LUZP2: variants seen among roughly 807,000 people sequenced by gnomAD.
LUZP2 encodes the protein leucine zipper protein 2.
LUZP2 carries 52 observed loss-of-function variants against 51.6 expected under a neutral mutation model. The observed-to-expected ratio is 1.01, with a 90% CI of 0.81 to 1.27. The LOEUF is 1.27. Among genes scored for constraint, LUZP2 ranks in the 50% most tolerant of loss-of-function variants. LUZP2 has a pLI of 0.00. For missense variants in LUZP2, 436 were observed against 395.4 expected, an observed-to-expected ratio of 1.10 and a Z score of -0.87; for synonymous variants, 154 against 137.3, an observed-to-expected ratio of 1.12 and a Z score of -0.85.
At chr11:24,548,681 C>G (rs1041665698) in intron 1 of LUZP2, among the ~76,000 whole-genome samples, 23 of 151,636 alleles carry the variant, frequency 1.5e-4, no homozygotes, top group African/African-American at 5.6e-4. Flanking sequence ...ACGAACTTGC[C>G]CAGCTATCCC....
intron 5 of LUZP2, among the ~76,000 whole-genome samples, chr11:24,841,308 G>C (rs1203362080): frequency 6.6e-6 from 1 of 152,028 alleles, no homozygotes; most frequent in Non-Finnish European, 1.5e-5. Context: ...AAAAAGATTG[G>C]TTCTTTCTAG....
chr11:24,837,195 T>A (rs898672612), intron 5 of LUZP2, among the ~76,000 whole-genome samples: 2 of 151,778 alleles, frequency 1.3e-5, no homozygotes, highest in Non-Finnish European at 3.0e-5. Flanking sequence ...ATATTTTTTA[T>A]ACTTTCCTTT....
rs1329583149 is a variant in LUZP2 at position 25,029,357 on chromosome 11, T to C, written c.766-20681T>C. Reference sequence around the variant, plus strand: ...GTACTCCATAAATATGTACATCTACTAGGTACCCACACAATTTTTAAAAAT... The same window carrying C: ...GTACTCCATAAATATGTACATCTACCAGGTACCCACACAATTTTTAAAAAT... On this transcript the variant is annotated intron_variant, in intron 9 of 11. Transcript: ENST00000336930. Among the ~76,000 whole-genome samples, 3 of 152,054 alleles carry C rather than the reference T, an allele frequency of 2.0e-5. No homozygotes were observed. In the East Asian group the frequency reaches 5.8e-4, roughly 29 times the overall value.
rs1858737347 is a variant in LUZP2, at chr11:24,732,143, C to A, written c.206C>A (p.Ala69Asp). ...LQSLKNDEQS[A>D]KTDVQKLLEL... ...TCCTTAAAAAACGATGAGCAGTCTG[C>A]CAAAACTGATGTTCAGAAACTTCTG... The change falls in exon 3 of 12, where the codon GCC becomes GAC. Residue 69 changes from alanine to aspartate, a missense_variant. Transcript: ENST00000336930. 1 of 1,609,128 alleles carries A rather than the reference C, an allele frequency of 6.2e-7. No individual in the cohort carries two copies. The highest frequency in any genetic ancestry group is 1.3e-5 in the African/African-American group (1 of 74,648).
chr11:24,616,475 A>ATGTGTGTG (rs61413263), intron 1 of LUZP2, among the ~76,000 whole-genome samples: 2,537 of 98,474 alleles, frequency 0.026, 53 homozygotes, highest in African/African-American at 0.057. Context: ...TGGCGTGCGC[A>ATGTGTGTG]TGTGTGTGTG....
chr11:25,031,453 T>C (rs1857684082), intron 9 of LUZP2, among the ~76,000 whole-genome samples: 1 of 152,214 alleles, frequency 6.6e-6, no homozygotes, highest in Admixed American at 6.5e-5. Context: ...CCTTTATGTC[T>C]TTTAAACTTC....
intron 9 of LUZP2, among the ~76,000 whole-genome samples, chr11:24,994,426 T>A (rs1317990700): frequency 6.6e-6 from 1 of 152,214 alleles, no homozygotes; most frequent in East Asian, 1.9e-4. Flanking sequence ...TAATGGCCTG[T>A]CTAAATACAG....
chr11:24,832,642 A>T (rs999233287), intron 5 of LUZP2, among the ~76,000 whole-genome samples: 2 of 151,806 alleles, frequency 1.3e-5, no homozygotes, highest in East Asian at 3.9e-4. Context: ...GAGACACACT[A>T]TAACAAAATT....
intron 1 of LUZP2, among the ~76,000 whole-genome samples, chr11:24,714,146 G>T (rs929889991): frequency 6.6e-6 from 1 of 151,876 alleles, no homozygotes; most frequent in African/African-American, 2.4e-5. Flanking sequence ...TATGTTGGGG[G>T]TAGGAGGCAA....
intron 1 of LUZP2, among the ~76,000 whole-genome samples, chr11:24,578,172 GC>G (rs1387301079): frequency 6.6e-6 from 1 of 151,944 alleles, no homozygotes; most frequent in Non-Finnish European, 1.5e-5. Context: ...ATTTTAGGAA[GC>G]TTTTTAAAAT....
At chr11:24,757,289 T>C (rs995601994) in intron 4 of LUZP2, among the ~76,000 whole-genome samples, 2 of 152,124 alleles carry the variant, frequency 1.3e-5, no homozygotes, top group African/African-American at 2.4e-5. Flanking sequence ...TTCTATAAAT[T>C]CAAAAATATT....
At chr11:24,658,899 A>G (rs9704876) in intron 1 of LUZP2, among the ~76,000 whole-genome samples, 41,084 of 152,140 alleles carry the variant, frequency 0.27, 6,437 homozygotes, top group Admixed American at 0.39. Context: ...TAGAATGGCA[A>G]TCATTAAAAT....
chr11:24,929,090 CATTTCTGATTAAGCTTATTTGG>C (rs1341926404), intron 7 of LUZP2, among the ~76,000 whole-genome samples: 1 of 151,938 alleles, frequency 6.6e-6, no homozygotes, highest in Non-Finnish European at 1.5e-5. Flanking sequence ...TATCCCCTTT[CATTTCTGATTAAGCTTATTTGG>C]ATTGTCTCTT....
chr11:24,785,529 A>T (rs1238309209), intron 5 of LUZP2, among the ~76,000 whole-genome samples: 2 of 151,982 alleles, frequency 1.3e-5, no homozygotes, highest in Non-Finnish European at 2.9e-5. Context: ...TTAATGACAT[A>T]TTTATATTGT....
chr11:24,659,550 C>T (rs567948644), intron 1 of LUZP2, among the ~76,000 whole-genome samples: 3 of 151,790 alleles, frequency 2.0e-5, no homozygotes, highest in South Asian at 2.1e-4. Context: ...TGCACATATA[C>T]CCTAAAACTT....
chr11:24,843,908 C>T (rs1243996506), intron 5 of LUZP2, among the ~76,000 whole-genome samples: 2 of 152,172 alleles, frequency 1.3e-5, no homozygotes, highest in Non-Finnish European at 2.9e-5. Context: ...ATTATGTCCT[C>T]CACGATTGTG....
chr11:24,971,175 G>A (rs1316855809), intron 7 of LUZP2, among the ~76,000 whole-genome samples: 2 of 152,132 alleles, frequency 1.3e-5, no homozygotes, highest in Non-Finnish European at 2.9e-5. Flanking sequence ...TGTGGCACCA[G>A]TGACCAGTTT....
rs549165705 is a variant in LUZP2, at chr11:24,948,123, T to C, written c.523-28468T>C. ...ATTTTTCTTAATTCTTTTTTCTCTG[T>C]TTCCTCAATTGTATTATCTCTATTC... On this transcript the variant is annotated intron_variant, in intron 7 of 11. Coordinates refer to ENST00000336930, the MANE Select transcript of LUZP2 (RefSeq NM_001009909.4). Among the ~76,000 whole-genome samples, 8 of 151,988 alleles carry C rather than the reference T, an allele frequency of 5.3e-5. No homozygotes were observed. In the South Asian group the frequency reaches 1.7e-3, roughly 31 times the overall value.
chr11:25,019,784 T>G (rs1038148568), intron 9 of LUZP2, among the ~76,000 whole-genome samples: 6 of 152,086 alleles, frequency 3.9e-5, no homozygotes, highest in Admixed American at 6.6e-5. Flanking sequence ...GCCTGACTTC[T>G]GAGGTTTCTT....
Sources: allele counts gnomAD v4.1 joint callset (sites outside exome capture counted in the v4.1 genomes callset), GRCh38; gene constraint gnomAD v4.1.1; transcripts MANE v1.5; gene names NCBI Gene and HGNC (gene_info 2026-07-23, HGNC 2026-07-21).